Variants in MCF2 observed in about 807,000 individuals in gnomAD.
The protein encoded by MCF2 is MCF.2 cell line derived transforming sequence, also known as proto-oncogene DBL.
In MCF2, 44 loss-of-function variants were observed where a neutral mutation model predicts 82.5. That is an observed-to-expected ratio of 0.53 (90% CI 0.42 to 0.69). The LOEUF is 0.69. MCF2 is among the 30% of genes least tolerant of loss of function. The probability of loss-of-function intolerance (pLI) is 0.00; values close to 1 mark genes in which losing one functional copy is unlikely to be tolerated. For synonymous variants in MCF2, 217 were observed against 224.9 expected (o/e 0.96, Z 0.32); for missense variants, 623 against 663.1 (o/e 0.94, Z 0.66).
At chrX:139,598,814 T>A (rs189586690) in intron 16 of MCF2, among the ~76,000 whole-genome samples, 7,585 of 111,518 alleles carry the variant, frequency 0.068, 282 homozygotes, top group South Asian at 0.18. Flanking sequence ...TTAACATGAT[T>A]AAAACGTTCT....
At chrX:139,616,578 G>A in intron 8 of MCF2, 105 bp from the exon 12 acceptor site, 1 of 410,829 alleles carries the variant, frequency 2.4e-6, no homozygotes, top group South Asian at 9.9e-5. Flanking sequence ...CCGTGAGTCA[G>A]AAATGCTTTC....
intron 1 of MCF2, among the ~76,000 whole-genome samples, chrX:139,676,195 C>T (rs78240806): frequency 1.9e-4 from 21 of 112,289 alleles, no homozygotes; most frequent in Middle Eastern, 4.6e-3. Context: ...AGTATTTGGG[C>T]GGGAGTGTCC....
At chrX:139,597,351 T>C (rs1014557761) in intron 18 of MCF2, 109 bp downstream of exon 22, 2 of 595,774 alleles carry the variant, frequency 3.4e-6, no homozygotes, top group African/African-American at 2.3e-5. Context: ...CATTTTGATC[T>C]CCAGTTATCT....
intron 1 of MCF2, among the ~76,000 whole-genome samples, chrX:139,697,145 C>A (rs1315057300): frequency 8.9e-6 from 1 of 111,777 alleles, no homozygotes; most frequent in Non-Finnish European, 1.9e-5. Flanking sequence ...TATTCTGTCC[C>A]CATGGCCACT....
At chrX:139,665,954 GTATAT>G (rs2148545349) in intron 1 of MCF2, among the ~76,000 whole-genome samples, 1 of 70,483 alleles carries the variant, frequency 1.4e-5, no homozygotes, top group East Asian at 4.3e-4. Flanking sequence ...ATATATATAT[GTATAT>G]TATATATATA....
chrX:139,590,019 A>G (rs1449360016), intron 19 of MCF2, 92 bp from the exon 24 acceptor site: 12 of 530,216 alleles, frequency 2.3e-5, no homozygotes, highest in Non-Finnish European at 3.1e-5. Flanking sequence ...GTGAAACAGA[A>G]TTTCTCTTGG....
Position 139,603,564 on chromosome X carries a change from G to A in MCF2, c.1744-1066C>T, listed in dbSNP as rs112783332. 4.7e-3 allele frequency among the ~76,000 whole-genome samples: 525 copies of A among 112,477 alleles called. 5 individuals are homozygous for A. The highest frequency in any genetic ancestry group is 0.016 in the African/African-American group (500 of 31,024). The stretch of plus-strand genomic sequence containing the variant: ...AAGTTAGAACATCTTAGCCGGACAC[G>A]GTGGCTCACGCCTGTAATCCCAACA... On this transcript the variant is annotated intron_variant, in intron 15 of 24. Coordinates refer to ENST00000370576, the Ensembl canonical transcript of MCF2.
intron 1 of MCF2, among the ~76,000 whole-genome samples, chrX:139,695,312 G>T (rs1161252635): frequency 8.9e-6 from 1 of 111,863 alleles, no homozygotes; most frequent in African/African-American, 3.2e-5. Context: ...TTACAGGCGT[G>T]AGCCATCGCG....
chrX:139,699,646 C>G (rs1238283430), intron 1 of MCF2, among the ~76,000 whole-genome samples: 1 of 112,168 alleles, frequency 8.9e-6, no homozygotes. Flanking sequence ...AGCATGTTCT[C>G]CAGGTTAAAC....
intron 15 of MCF2, among the ~76,000 whole-genome samples, chrX:139,604,319 C>CAAA (rs35554292): frequency 1.5e-4 from 15 of 98,699 alleles, no homozygotes; most frequent in East Asian, 6.4e-4. Context: ...GTTTTTTAGG[C>CAAA]AAAAAAAAAA....
chrX:139,676,759 A>G (rs1028846359), intron 1 of MCF2, among the ~76,000 whole-genome samples: 5 of 112,320 alleles, frequency 4.5e-5, no homozygotes, highest in African/African-American at 1.6e-4. Flanking sequence ...CCATTGTTAT[A>G]AAGAAAAAAT....
chrX:139,636,797 C>T (rs1933248201), intron 1 of MCF2, among the ~76,000 whole-genome samples: 2 of 111,760 alleles, frequency 1.8e-5, no homozygotes, highest in Non-Finnish European at 1.9e-5. Context: ...TATTCAGCTG[C>T]TCATAAGCTA....
chrX:139,647,175 T>C (rs1255651360), upstream of MCF2, among the ~76,000 whole-genome samples: 1 of 111,847 alleles, frequency 8.9e-6, no homozygotes, highest in African/African-American at 3.2e-5. Flanking sequence ...ATAAATACAG[T>C]GGAAAATAGC....
intron 1 of MCF2, among the ~76,000 whole-genome samples, chrX:139,702,748 G>A (rs951664433): frequency 8.9e-6 from 1 of 112,579 alleles, no homozygotes; most frequent in Non-Finnish European, 1.9e-5. Flanking sequence ...GAAGGGAAGT[G>A]CAGAGCTGGC....
At chrX:139,627,042 C>T (rs779870954) in intron 4 of MCF2, among the ~76,000 whole-genome samples, 3 of 111,911 alleles carry the variant, frequency 2.7e-5, no homozygotes, top group Non-Finnish European at 3.8e-5. Flanking sequence ...TTGTAGCCTC[C>T]TTCTCTAACT....
At chrX:139,665,912 TATATATATATATATAC>T (rs1334214692) in intron 1 of MCF2, among the ~76,000 whole-genome samples, 1 of 82,928 alleles carries the variant, frequency 1.2e-5, no homozygotes, top group African/African-American at 5.7e-5. Flanking sequence ...TATATATATA[TATATATATATATATAC>T]ACACACACAC....
At chrX:139,614,472 A>G (rs1931737442) in intron 10 of MCF2, among the ~76,000 whole-genome samples, 1 of 108,526 alleles carries the variant, frequency 9.2e-6, no homozygotes, top group Admixed American at 1.0e-4. Flanking sequence ...AATAAAAAGG[A>G]ACCAAATCAT....
At chrX:139,626,535 T>C (rs1162907992) in intron 5 of MCF2, 88 bp downstream of exon 8, 2 of 917,446 alleles carry the variant, frequency 2.2e-6, no homozygotes, top group Non-Finnish European at 3.1e-6. Context: ...CAGGAATACT[T>C]TAACACTTAA....
intron 1 of MCF2, among the ~76,000 whole-genome samples, chrX:139,692,995 G>A (rs963508110): frequency 1.8e-5 from 2 of 112,070 alleles, no homozygotes; most frequent in Non-Finnish European, 3.8e-5. Flanking sequence ...GAGAGGACAC[G>A]AGAAAACGGA....
Sources: gnomAD v4.1 joint callset for allele counts (sites outside exome capture counted in the v4.1 genomes callset) on GRCh38, gnomAD v4.1.1 for gene constraint, MANE v1.5 for transcripts, NCBI Gene and HGNC (gene_info 2026-07-23, HGNC 2026-07-21) for gene names.